MALRD1: variants seen among roughly 807,000 people sequenced by gnomAD.
The protein encoded by MALRD1 is MAM and LDL receptor class A domain containing 1, also known as MAM and LDL-receptor class A domain-containing protein 1.
Under a neutral mutation model 242.1 loss-of-function variants are expected in MALRD1, and 247 were observed. That is an observed-to-expected ratio of 1.02 (90% CI 0.92 to 1.13). The LOEUF is 1.13. Ranked by LOEUF, MALRD1 falls within the 50% of genes most tolerant of loss-of-function variation. MALRD1 has a pLI of 0.00. For missense variants in MALRD1, 2,989 were observed against 2,533.1 expected (o/e 1.18, Z -3.86); for synonymous variants, 995 against 866.6 (o/e 1.15, Z -2.60).
chr10:19,246,600 T>C (rs1371475293), intron 18 of MALRD1, among the ~76,000 whole-genome samples: 4 of 152,068 alleles, frequency 2.6e-5, no homozygotes, highest in African/African-American at 9.7e-5. Context: ...TGGCTGGACA[T>C]CAGAGTACAA....
At chr10:19,130,201 A>G (rs985106268) in intron 8 of MALRD1, among the ~76,000 whole-genome samples, 3 of 152,118 alleles carry the variant, frequency 2.0e-5, no homozygotes, top group Non-Finnish European at 4.4e-5. Context: ...TTCCTGCAGC[A>G]TTACAAACTG....
intron 20 of MALRD1, among the ~76,000 whole-genome samples, chr10:19,280,837 T>C (rs1840770555): frequency 6.6e-6 from 1 of 152,202 alleles, no homozygotes; most frequent in Admixed American, 6.5e-5. Flanking sequence ...GAAAAATTAA[T>C]CTGTGTCTTA....
chr10:19,731,950 C>CT (rs1835313225), intron 39 of MALRD1, among the ~76,000 whole-genome samples: 1 of 152,114 alleles, frequency 6.6e-6, no homozygotes, highest in South Asian at 2.1e-4. Context: ...GCCTTGAGTG[C>CT]TGTGGCCGAA....
intron 14 of MALRD1, among the ~76,000 whole-genome samples, chr10:19,201,039 C>T (rs867427742): frequency 6.6e-6 from 1 of 151,932 alleles, no homozygotes; most frequent in Admixed American, 6.6e-5. Context: ...ATGAGGATTC[C>T]GTTGATGATA....
At chr10:19,489,097 A>C (rs1409760360) in intron 29 of MALRD1, 3 of 462,646 alleles carry the variant, frequency 6.5e-6, no homozygotes, top group Non-Finnish European at 1.3e-5. Flanking sequence ...CGGAGCCAGA[A>C]TGCCCAAGAG....
chr10:19,338,147 A>G (rs1482782661), intron 24 of MALRD1, among the ~76,000 whole-genome samples: 2 of 152,050 alleles, frequency 1.3e-5, no homozygotes. Flanking sequence ...TACATTTTCT[A>G]TAATCGATAA....
chr10:19,582,064 G>C (rs1382355802), intron 33 of MALRD1, among the ~76,000 whole-genome samples: 2 of 151,822 alleles, frequency 1.3e-5, no homozygotes. Context: ...CTTTTTGATG[G>C]GGTTGTTTGT....
intron 32 of MALRD1, among the ~76,000 whole-genome samples, chr10:19,553,208 T>C (rs1232201877): frequency 6.6e-6 from 1 of 152,012 alleles, no homozygotes; most frequent in East Asian, 1.9e-4. Context: ...ACTAAAAAAA[T>C]AAACAATTGG....
chr10:19,480,583 T>A (rs1836949449), intron 29 of MALRD1, among the ~76,000 whole-genome samples: 1 of 152,182 alleles, frequency 6.6e-6, no homozygotes. Flanking sequence ...GGGTTGACAT[T>A]TATTTTAAAA....
intron 18 of MALRD1, among the ~76,000 whole-genome samples, chr10:19,241,255 T>C (rs1008505714): frequency 3.3e-5 from 5 of 152,098 alleles, no homozygotes; most frequent in Non-Finnish European, 5.9e-5. Context: ...ATTTCCAAAC[T>C]CATTATTGAT....
intron 21 of MALRD1, among the ~76,000 whole-genome samples, chr10:19,285,912 A>G (rs1165887395): frequency 6.2e-5 from 6 of 96,372 alleles, no homozygotes; most frequent in East Asian, 2.9e-4. Context: ...ATTTGTTTGT[A>G]TCCTCTTTTA....
intron 26 of MALRD1, among the ~76,000 whole-genome samples, chr10:19,368,673 A>G (rs1444666916): frequency 2.0e-5 from 3 of 151,856 alleles, no homozygotes; most frequent in Non-Finnish European, 2.9e-5. Flanking sequence ...ATTTTTATAG[A>G]AATTGTATTG....
intron 8 of MALRD1, 84 bp from the exon 9 acceptor site, chr10:19,133,772 C>G (rs1588593715): frequency 1.9e-6 from 1 of 516,224 alleles, no homozygotes; most frequent in East Asian, 3.5e-5. Context: ...GTAATACCTA[C>G]TACAGTGTAA....
chr10:19,550,513 G>C (rs940250043), intron 32 of MALRD1, among the ~76,000 whole-genome samples: 7 of 151,864 alleles, frequency 4.6e-5, no homozygotes, highest in African/African-American at 1.7e-4. Flanking sequence ...CCCTCCAATA[G>C]GCCCCAGTGT....
Position 19,607,848 on chromosome 10 carries a change from T to C in MALRD1, c.6016T>C (p.Cys2006Arg). ...SNSCIPAHQR[C>R]DGFADCMDFQ... is the part of the protein sequence containing the mutation. ...CAGCTGTATCCCAGCCCACCAGCGC[T>C]GTGATGGTTTTGCCGACTGCATGGA... is the stretch of plus-strand genomic sequence containing the variant. Residue 2006 changes from cysteine (C) to arginine (R), a missense_variant, in exon 35 of 40, where the codon TGT becomes CGT. Transcript: ENST00000454679. 1 of 1,549,836 alleles carries C rather than the reference T, an allele frequency of 6.5e-7. No homozygotes were observed. Among genetic ancestry groups the C allele is most frequent in the Non-Finnish European group, 8.7e-7 (1 of 1,146,536 alleles).
chr10:19,462,146 T>C (rs909117393), intron 29 of MALRD1, among the ~76,000 whole-genome samples: 1 of 152,174 alleles, frequency 6.6e-6, no homozygotes, highest in African/African-American at 2.4e-5. Flanking sequence ...CTATGTCTTA[T>C]TTTCTGTATT....
intron 7 of MALRD1, among the ~76,000 whole-genome samples, chr10:19,125,049 G>A (rs1008827041): frequency 1.4e-5 from 2 of 139,876 alleles, no homozygotes; most frequent in African/African-American, 5.3e-5. Flanking sequence ...GGGTTCAAGT[G>A]ATTCTCCTGT....
At chr10:19,290,641 A>G (rs529424493) in intron 21 of MALRD1, among the ~76,000 whole-genome samples, 17 of 152,292 alleles carry the variant, frequency 1.1e-4, no homozygotes, top group African/African-American at 3.8e-4. Context: ...GAAAAGAATC[A>G]TAATCTAGTA....
At chr10:19,593,517 A>G (rs1311822629) in intron 33 of MALRD1, among the ~76,000 whole-genome samples, 1 of 152,216 alleles carries the variant, frequency 6.6e-6, no homozygotes, top group Non-Finnish European at 1.5e-5. Context: ...TGTCAAGAAA[A>G]CAAACCATTC....
Sources: allele counts gnomAD v4.1 joint callset (sites outside exome capture counted in the v4.1 genomes callset), GRCh38; gene constraint gnomAD v4.1.1; transcripts MANE v1.5; gene names NCBI Gene and HGNC (gene_info 2026-07-23, HGNC 2026-07-21).